Variants in LYZL6 observed in about 807,000 individuals in gnomAD.
LYZL6 encodes lysozyme-like protein 6.
LYZL6 carries 21 observed loss-of-function variants against 15.0 expected under a neutral mutation model. That is an observed-to-expected ratio of 1.40 (90% confidence interval 1.00 to 2.02). The LOEUF (loss-of-function observed/expected upper bound fraction) is 2.02, where lower values mean the gene tolerates loss of function less well. LYZL6 is among the 30% of genes most tolerant of loss of function. The pLI, the probability that LYZL6 is intolerant of heterozygous loss-of-function variation, is 0.00. For synonymous variants in LYZL6, 72 were observed against 67.8 expected, an observed-to-expected ratio of 1.06 and a Z score of -0.31; for missense variants, 173 against 180.5, an observed-to-expected ratio of 0.96 and a Z score of 0.24.
chr17:35,939,586 A>G, intron 1 of LYZL6, 28 bp from the exon 2 acceptor site: 1 of 381,302 alleles, frequency 2.6e-6, no homozygotes, highest in Non-Finnish European at 4.7e-6. Flanking sequence ...GAATAGTATC[A>G]TGAACCTCCA....
At chr17:35,942,472 C>T (rs1328506793) in intron 1 of LYZL6, among the ~76,000 whole-genome samples, 4 of 152,084 alleles carry the variant, frequency 2.6e-5, no homozygotes, top group Non-Finnish European at 5.9e-5. Context: ...AAGATGGCTA[C>T]CCTGGTGGGC....
intron 4 of LYZL6, among the ~76,000 whole-genome samples, chr17:35,935,817 A>ATTT (rs762873820): frequency 8.4e-6 from 1 of 119,326 alleles, no homozygotes; most frequent in Admixed American, 8.6e-5. Context: ...CAGCCGCCAC[A>ATTT]TTTTTTTTTT....
intron 1 of LYZL6, among the ~76,000 whole-genome samples, chr17:35,943,048 C>CG (rs1474323943): frequency 1.3e-5 from 2 of 152,028 alleles, no homozygotes; most frequent in African/African-American, 2.4e-5. Flanking sequence ...TCATGAATGC[C>CG]CCTCTCTAGC....
At chr17:35,936,904 C>T (rs1406016788) in intron 3 of LYZL6, 71 bp from the exon 4 acceptor site, 1 of 1,371,364 alleles carries the variant, frequency 7.3e-7, no homozygotes, top group African/African-American at 1.4e-5. Context: ...GACACCAGCC[C>T]TCCCTGGACA....
chr17:35,939,366 G>A lies in LYZL6; in HGVS notation c.-10C>T. 6.2e-7 allele frequency: 1 copy of A among 1,613,760 alleles called. No homozygotes were observed. The highest frequency in any genetic ancestry group is 8.5e-7 in the Non-Finnish European group (1 of 1,179,740). On this transcript the variant is annotated 5_prime_UTR_variant, in exon 2 of 5. Transcript: ENST00000615905. ...GTAGCGCCTTTGTCATCCTTGGAGG[G>A]GAGGAGGTGCAGCTGAGGGCTGATG... is the stretch of plus-strand genomic sequence containing the variant.
chr17:35,943,018 G>A (rs1489344528), intron 1 of LYZL6, among the ~76,000 whole-genome samples: 1 of 151,962 alleles, frequency 6.6e-6, no homozygotes, highest in Non-Finnish European at 1.5e-5. Flanking sequence ...CGGGCTCTAG[G>A]AGGATAAGAC....
intron 4 of LYZL6, 94 bp from the exon 5 acceptor site, chr17:35,934,959 G>C: frequency 2.6e-6 from 3 of 1,165,532 alleles, no homozygotes; most frequent in Non-Finnish European, 3.8e-6. Context: ...ATGGAGCAAC[G>C]CCCAGAATCC....
chr17:35,940,932 G>A (rs2089420640), intron 1 of LYZL6, among the ~76,000 whole-genome samples: 1 of 152,160 alleles, frequency 6.6e-6, no homozygotes, highest in Admixed American at 6.5e-5. Flanking sequence ...GGACATTTGG[G>A]TTGTTTCTAT....
Position 35,935,518 on chromosome 17 carries a change from C to A in LYZL6, c.378-653G>T, listed in dbSNP as rs567643231. Among the ~76,000 whole-genome samples, 48 of 151,758 alleles carry A rather than the reference C, an allele frequency of 3.2e-4. 1 individual carries two copies. Among genetic ancestry groups the A allele is most frequent in the African/African-American group, 5.8e-4 (24 of 41,338 alleles). ...GCAACCTCTGGCTCCCGGGTTCAAG[C>A]GATTCTCCTGCCTCAGCCTCCCATG... On this transcript the variant is annotated intron_variant, in intron 4 of 4. Coordinates refer to ENST00000615905, the MANE Select transcript of LYZL6 (RefSeq NM_020426.4).
Position 35,939,372 on chromosome 17 carries a change from G to C in LYZL6, c.-16C>G, listed in dbSNP as rs1440358785. ...CCTTTGTCATCCTTGGAGGGGAGGAGGTGCAGCTGAGGGCTGATGGTTCTT... is the reference window on the plus strand; with the variant it reads ...CCTTTGTCATCCTTGGAGGGGAGGACGTGCAGCTGAGGGCTGATGGTTCTT... On this transcript the variant is annotated 5_prime_UTR_variant, in exon 2 of 5. Coordinates refer to ENST00000615905, the MANE Select transcript of LYZL6 (RefSeq NM_020426.4). 4.3e-6 allele frequency: 7 copies of C among 1,613,424 alleles called. No individual in the cohort carries two copies. Among genetic ancestry groups the C allele is most frequent in the Non-Finnish European group, 5.9e-6 (7 of 1,179,636 alleles).
At chr17:35,936,561 A>T in intron 4 of LYZL6, 194 bp downstream of exon 4, 1 of 501,140 alleles carries the variant, frequency 2.0e-6, no homozygotes, top group Non-Finnish European at 3.6e-6. Context: ...GTTTTCTGTT[A>T]CTGCAACCAG....
rs1438353510 is a variant in LYZL6 at position 35,939,549 on chromosome 17, A to G, written c.-193T>C. Reference sequence around the variant, plus strand: ...TTTTATAGATTTTTATTTATCATGGAAAATTAAACCTTTAAAAAAGGAAAG... The same window carrying G: ...TTTTATAGATTTTTATTTATCATGGGAAATTAAACCTTTAAAAAAGGAAAG... On this transcript the variant is annotated 5_prime_UTR_variant, in exon 2 of 5. Transcript: ENST00000615905. 2 of 455,908 alleles carry G rather than the reference A, an allele frequency of 4.4e-6. No individual in the cohort carries two copies. The highest frequency in any genetic ancestry group is 7.7e-6 in the Non-Finnish European group (2 of 260,932). The allele number at this position is 455,908 out of a possible 1,614,324, so 28.2% of individuals were successfully genotyped here.
In LYZL6 at chr17:35,934,855, T is replaced by A. The variant is rs1243072724; in HGVS notation, c.388A>T (p.Arg130Trp). 6.2e-7 allele frequency: 1 copy of A among 1,614,100 alleles called. No individual in the cohort carries two copies. The highest frequency in any genetic ancestry group is 1.1e-5 in the South Asian group (1 of 91,068). ...ARGMNNWVEW[R>W]LHCSGRPLFY... ...AGTGGCCGGCCTGAACAGTGCAACC[T>A]CCATTCTACCCTGCGGAGAAAAAAG... The change falls in exon 5 of 5, where the codon AGG (arginine) becomes TGG (tryptophan). Residue 130 changes from arginine (R) to tryptophan (W), a missense_variant. Arg to Trp is a moderately radical substitution (Grantham distance 101). Transcript: ENST00000615905.
At chr17:35,936,710 C>A in intron 4 of LYZL6, 45 bp downstream of exon 4, 1 of 1,564,356 alleles carries the variant, frequency 6.4e-7, no homozygotes. Context: ...GTCACGTCCT[C>A]CTTCGTGGGG....
chr17:35,934,981 A>T (rs1483316638), intron 4 of LYZL6, 116 bp from the exon 5 acceptor site: 8 of 616,680 alleles, frequency 1.3e-5, no homozygotes. Flanking sequence ...CGTCATTGCT[A>T]GCTAGCCCTC....
rs1363892609 is a variant in LYZL6, at chr17:35,939,308, T to A, written c.49A>T (p.Asn17Tyr). Residue 17 changes from asparagine (N) to tyrosine (Y), a missense_variant, in exon 2 of 5, where the codon AAT becomes TAT. Transcript: ENST00000615905. ...IYLVSSFLAL[N>Y]QASLISRCDL... ...CAGCGACTGATGAGGCTGGCCTGATTTAGGGCAAGAAAGCTGCTGACCAAA... is the reference window on the plus strand; with the variant it reads ...CAGCGACTGATGAGGCTGGCCTGATATAGGGCAAGAAAGCTGCTGACCAAA... 1.9e-6 allele frequency: 3 copies of A among 1,613,988 alleles called. No individual in the cohort carries two copies. Among genetic ancestry groups the A allele is most frequent in the Non-Finnish European group, 2.5e-6 (3 of 1,180,018 alleles).
intron 4 of LYZL6, among the ~76,000 whole-genome samples, chr17:35,936,178 G>C (rs2089371427): frequency 6.6e-6 from 1 of 152,198 alleles, no homozygotes; most frequent in Non-Finnish European, 1.5e-5. Flanking sequence ...AGCCATAATT[G>C]TATTGCTTAA....
At chr17:35,941,632 T>C (rs752810817) in intron 1 of LYZL6, among the ~76,000 whole-genome samples, 5 of 152,086 alleles carry the variant, frequency 3.3e-5, no homozygotes, top group Non-Finnish European at 7.4e-5. Flanking sequence ...ATACATTAAA[T>C]GCAATAGGAA....
chr17:35,942,062 C>T (rs1279843365), intron 1 of LYZL6, among the ~76,000 whole-genome samples: 3 of 152,194 alleles, frequency 2.0e-5, no homozygotes, highest in Admixed American at 1.3e-4. Context: ...ATATTCCGTC[C>T]AGGGATGCAT....
Sources: gnomAD v4.1 joint callset for allele counts (sites outside exome capture counted in the v4.1 genomes callset) on GRCh38, gnomAD v4.1.1 for gene constraint, MANE v1.5 for transcripts, NCBI Gene and HGNC (gene_info 2026-07-23, HGNC 2026-07-21) for gene names.